The following TSHZ2 variants were observed in gnomAD, a reference collection of about 807,000 sequenced individuals.
The protein encoded by TSHZ2 is teashirt homolog 2.
Under a neutral mutation model 74.4 loss-of-function variants are expected in TSHZ2, and 21 were observed. That is an observed-to-expected ratio of 0.28 (90% confidence interval 0.20 to 0.41). TSHZ2 has a LOEUF of 0.41. Ranked by LOEUF, TSHZ2 falls within the 10% of genes least tolerant of loss-of-function variation. The pLI, the probability that TSHZ2 is intolerant of heterozygous loss-of-function variation, is 1.00. For missense variants in TSHZ2, 1,244 were observed against 1,293.5 expected, an observed-to-expected ratio of 0.96 and a Z score of 0.59; for synonymous variants, 540 against 515.3, an observed-to-expected ratio of 1.05 and a Z score of -0.65.
intron 1 of TSHZ2, among the ~76,000 whole-genome samples, chr20:53,161,130 C>CAAAAAAAAGA (rs1987925027): frequency 1.5e-5 from 1 of 67,978 alleles, no homozygotes. Flanking sequence ...TTATTTTCAG[C>CAAAAAAAAGA]AAAAAAAAAA....
At chr20:53,438,612 G>T (rs1224341994) in intron 2 of TSHZ2, among the ~76,000 whole-genome samples, 1 of 152,188 alleles carries the variant, frequency 6.6e-6, no homozygotes, top group Non-Finnish European at 1.5e-5. Flanking sequence ...GAAGTGGGGT[G>T]AGCCCTATGG....
chr20:53,260,692 T>A (rs1276864509), intron 2 of TSHZ2, among the ~76,000 whole-genome samples: 1 of 152,154 alleles, frequency 6.6e-6, no homozygotes. Flanking sequence ...ATAATATCCT[T>A]CTCATAGGAA....
intron 2 of TSHZ2, among the ~76,000 whole-genome samples, chr20:53,441,453 T>C (rs915777038): frequency 6.6e-6 from 1 of 151,828 alleles, no homozygotes; most frequent in Non-Finnish European, 1.5e-5. Context: ...TGTTTTGTTT[T>C]GTTTTTTGTA....
At chr20:53,453,900 A>C (rs964237320) in intron 2 of TSHZ2, among the ~76,000 whole-genome samples, 4 of 151,768 alleles carry the variant, frequency 2.6e-5, no homozygotes, top group African/African-American at 9.8e-5. Flanking sequence ...TCACCATCCT[A>C]GGACCTCTTC....
chr20:53,463,848 A>G (rs1477733222), intron 2 of TSHZ2, among the ~76,000 whole-genome samples: 1 of 152,218 alleles, frequency 6.6e-6, no homozygotes. Context: ...AAGTTGCTTA[A>G]CATCTCTGAG....
intron 1 of TSHZ2, among the ~76,000 whole-genome samples, chr20:53,026,734 T>C (rs980213916): frequency 1.3e-5 from 2 of 152,230 alleles, no homozygotes; most frequent in Non-Finnish European, 1.5e-5. Context: ...CAAAATATTA[T>C]TATACTTAAA....
At chr20:53,245,376 G>A (rs1990177297) in intron 1 of TSHZ2, among the ~76,000 whole-genome samples, 1 of 152,058 alleles carries the variant, frequency 6.6e-6, no homozygotes, top group Non-Finnish European at 1.5e-5. Flanking sequence ...TTCTCTCTTG[G>A]TTGGTGTTTT....
At chr20:52,981,646 C>T (rs1199209259) in intron 1 of TSHZ2, among the ~76,000 whole-genome samples, 1 of 152,154 alleles carries the variant, frequency 6.6e-6, no homozygotes, top group Non-Finnish European at 1.5e-5. Flanking sequence ...AGCCTGGAAA[C>T]ACAATGGCTA....
chr20:53,431,293 C>T (rs1983840926), intron 2 of TSHZ2, among the ~76,000 whole-genome samples: 1 of 151,970 alleles, frequency 6.6e-6, no homozygotes, highest in Non-Finnish European at 1.5e-5. Context: ...CCCATCTCTA[C>T]TAAAAATACA....
intron 2 of TSHZ2, among the ~76,000 whole-genome samples, chr20:53,298,440 G>C (rs1991422361): frequency 6.6e-6 from 1 of 152,212 alleles, no homozygotes; most frequent in East Asian, 1.9e-4. Flanking sequence ...ACTCTGAAGA[G>C]GTGAACTTTT....
intron 2 of TSHZ2, among the ~76,000 whole-genome samples, chr20:53,425,174 C>A (rs577186105): frequency 1.3e-5 from 2 of 152,308 alleles, no homozygotes; most frequent in African/African-American, 4.8e-5. Flanking sequence ...CTCTTTCTAT[C>A]CCTGCATGTG....
At chr20:53,453,496 G>C (rs532109364) in intron 2 of TSHZ2, among the ~76,000 whole-genome samples, 29 of 151,872 alleles carry the variant, frequency 1.9e-4, no homozygotes, top group Admixed American at 1.8e-3. Flanking sequence ...TTTTTTTCCT[G>C]TGCTCTAATA....
At chr20:53,069,548 G>A (rs2123192289) in intron 1 of TSHZ2, among the ~76,000 whole-genome samples, 1 of 152,168 alleles carries the variant, frequency 6.6e-6, no homozygotes, top group South Asian at 2.1e-4. Flanking sequence ...GTTGATGGGA[G>A]TATTCTGGGG....
chr20:53,233,619 A>G (rs1267511302), intron 1 of TSHZ2, among the ~76,000 whole-genome samples: 8 of 152,186 alleles, frequency 5.3e-5, no homozygotes, highest in Admixed American at 1.3e-4. Context: ...TTGCCTAAGA[A>G]CACATAGCTA....
At chr20:53,327,776 A>T (rs377725909) in intron 2 of TSHZ2, among the ~76,000 whole-genome samples, 4 of 152,242 alleles carry the variant, frequency 2.6e-5, no homozygotes, top group Admixed American at 2.6e-4. Context: ...TCAGGGTACG[A>T]TAAGAGCTTT....
Position 52,978,796 on chromosome 20 carries a change from G to T in TSHZ2, c.40+5463G>T, listed in dbSNP as rs1981449667. Among the ~76,000 whole-genome samples the T allele has an allele frequency of 5.3e-5, 8 of 152,168 alleles. No homozygotes were observed. The South Asian group carries it at 1.7e-3, about 32-fold the overall frequency. ...CTTTTATATTTTTATTTCTTTGAGA[G>T]AAATTTATTTTAATTTTCTAATGTT... is the stretch of plus-strand genomic sequence containing the variant. On this transcript the variant is annotated intron_variant, in intron 1 of 2. Coordinates refer to ENST00000371497, the MANE Select transcript of TSHZ2 (RefSeq NM_173485.6).
At chr20:53,014,065 G>A (rs934299093) in intron 1 of TSHZ2, among the ~76,000 whole-genome samples, 1 of 152,148 alleles carries the variant, frequency 6.6e-6, no homozygotes, top group East Asian at 1.9e-4. Context: ...TGGGTGGGTG[G>A]CTTAAATGAC....
chr20:53,336,839 C>T (rs1208177144), intron 2 of TSHZ2, among the ~76,000 whole-genome samples: 5 of 151,968 alleles, frequency 3.3e-5, no homozygotes, highest in African/African-American at 4.8e-5. Flanking sequence ...TGTGCATATA[C>T]GTATATGTGT....
chr20:53,402,690 C>A (rs6097395), intron 2 of TSHZ2, among the ~76,000 whole-genome samples: 2 of 152,240 alleles, frequency 1.3e-5, no homozygotes, highest in African/African-American at 4.8e-5. Context: ...GATGCCTGAC[C>A]TGAATGAGTG....
Sources: gnomAD v4.1 joint callset for allele counts (sites outside exome capture counted in the v4.1 genomes callset) on GRCh38, gnomAD v4.1.1 for gene constraint, MANE v1.5 for transcripts, NCBI Gene and HGNC (gene_info 2026-07-23, HGNC 2026-07-21) for gene names.